The following PPP2R2C variants were observed in gnomAD, a reference collection of about 807,000 sequenced individuals.
PPP2R2C encodes protein phosphatase 2, regulatory subunit B, gamma.
In PPP2R2C, 10 loss-of-function variants were observed where a neutral mutation model predicts 45.3. The observed-to-expected ratio is 0.22, with a 90% CI of 0.14 to 0.37. The LOEUF is 0.37. Ranked by LOEUF, PPP2R2C falls within the 10% of genes least tolerant of loss-of-function variation. PPP2R2C has a pLI of 1.00. For missense variants in PPP2R2C, 308 were observed against 619.7 expected (o/e 0.50, Z 5.34); for synonymous variants, 257 against 245.4 (o/e 1.05, Z -0.44).
chr4:6,333,584 G>C lies in PPP2R2C; in HGVS notation c.938C>G (p.Ala313Gly). The change falls in exon 7 of 9, where the codon GCA (alanine) becomes GGA (glycine). Residue 313 changes from alanine to glycine, a missense_variant. By Grantham distance (60) the Ala-to-Gly change is moderately conservative. Coordinates refer to ENST00000382599, the MANE Select transcript of PPP2R2C (RefSeq NM_020416.4). ...TVKVWDLNME[A>G]RPIETYQVHD... ...CACCTGGTAGGTCTCTATGGGTCTT[G>C]CCTCCATGTTCAGGTCCCAGACCTT... 1 of 1,614,138 alleles carries C rather than the reference G, an allele frequency of 6.2e-7. No homozygotes were observed. The highest frequency in any genetic ancestry group is 8.5e-7 in the Non-Finnish European group (1 of 1,179,988).
intron 5 of PPP2R2C, chr4:6,350,681 C>T (rs1712465649): frequency 3.0e-6 from 3 of 985,190 alleles, no homozygotes; most frequent in African/African-American, 1.7e-5. Context: ...AAGGGGAGAC[C>T]TCTCCTTCGG....
intron 6 of PPP2R2C, among the ~76,000 whole-genome samples, chr4:6,341,151 G>A (rs1577082363): frequency 6.6e-6 from 1 of 152,216 alleles, no homozygotes; most frequent in African/African-American, 2.4e-5. Context: ...AGACCAGCCT[G>A]GCCAACATGG....
In PPP2R2C at chr4:6,368,236, C is replaced by A. The variant is rs1256598924; in HGVS notation, c.625+4287G>T. On this transcript the variant is annotated intron_variant, in intron 5 of 8. Transcript: ENST00000382599. The surrounding 1 kb of genome is among the most constrained non-coding windows in gnomAD (Gnocchi z 4.2). ...CTACATCCTCACTTGGCAAAAACCACACCCCTGGCTTACCCTCCACCGACC... is the reference window on the plus strand; with the variant it reads ...CTACATCCTCACTTGGCAAAAACCAAACCCCTGGCTTACCCTCCACCGACC... Among the ~76,000 whole-genome samples the A allele has an allele frequency of 2.0e-5, 3 of 152,200 alleles. No individual in the cohort carries two copies. The highest frequency in any genetic ancestry group is 7.2e-5 in the African/African-American group (3 of 41,450).
At chr4:6,523,403 C>T (rs768770799) in intron 2 of PPP2R2C, 1 of 152,260 alleles carries the variant, frequency 6.6e-6, no homozygotes, top group African/African-American at 2.4e-5. Context: ...AAAAGACAAA[C>T]AACCCAATTT....
intron 1 of PPP2R2C, chr4:6,384,823 C>T (rs1487202934): frequency 1.0e-6 from 1 of 985,348 alleles, no homozygotes; most frequent in Admixed American, 6.1e-5. Context: ...ATGGAGGCTC[C>T]CTCCATGAGA....
chr4:6,386,220 C>G (rs2109323543), intron 1 of PPP2R2C, among the ~76,000 whole-genome samples: 2 of 152,342 alleles, frequency 1.3e-5, no homozygotes, highest in Admixed American at 1.3e-4. Flanking sequence ...CGTTGGCTTT[C>G]CTGGTCTCAT....
intron 1 of PPP2R2C, among the ~76,000 whole-genome samples, chr4:6,388,143 C>G (rs547091098): frequency 1.9e-4 from 29 of 152,324 alleles, no homozygotes; most frequent in Admixed American, 8.5e-4. Context: ...TCCTTCCCCC[C>G]CTGAGGTGCC....
At position 6,559,346 on chromosome 4, in the gene PPP2R2C, C is replaced by T. The variant is rs76400139; in HGVS notation, c.-59+4214G>A. ...TATAGTGCATAGTGCCCGTGCAGTG[C>T]CAGGCTCACAGAAGTGCCCAATAAA... On this transcript the variant is annotated intron_variant, in intron 1 of 9. Coordinates refer to the PPP2R2C transcript ENST00000506140. Among the ~76,000 whole-genome samples the T allele has an allele frequency of 5.0e-4, 76 of 151,836 alleles. No individual in the cohort carries two copies. The East Asian group carries it at 0.013, about 26-fold the overall frequency.
At chr4:6,362,252 G>C (rs1307208848) in intron 5 of PPP2R2C, among the ~76,000 whole-genome samples, 2 of 152,262 alleles carry the variant, frequency 1.3e-5, no homozygotes, top group East Asian at 1.9e-4. Context: ...GAGCTATGAG[G>C]GTGGAGGGGT....
At chr4:6,402,140 G>A (rs1717457803) in intron 1 of PPP2R2C, among the ~76,000 whole-genome samples, 1 of 152,196 alleles carries the variant, frequency 6.6e-6, no homozygotes. Flanking sequence ...TCATCGCCTT[G>A]AATCCACCTG....
chr4:6,463,585 G>A (rs1296178902), intron 1 of PPP2R2C, among the ~76,000 whole-genome samples: 5 of 152,252 alleles, frequency 3.3e-5, no homozygotes, highest in African/African-American at 1.2e-4. Context: ...GCCCCCAGGT[G>A]TGTCCTGCTC....
At chr4:6,416,560 C>G (rs1161461235) in intron 1 of PPP2R2C, among the ~76,000 whole-genome samples, 3 of 152,210 alleles carry the variant, frequency 2.0e-5, no homozygotes, top group Non-Finnish European at 4.4e-5. Context: ...AGCTGTGACC[C>G]CCGGGGTGAA....
At chr4:6,467,479 C>T (rs988654914) in intron 1 of PPP2R2C, among the ~76,000 whole-genome samples, 1 of 152,174 alleles carries the variant, frequency 6.6e-6, no homozygotes, top group African/African-American at 2.4e-5. Flanking sequence ...TGCCAGATCT[C>T]AGGCTCTCTT....
intron 2 of PPP2R2C, among the ~76,000 whole-genome samples, chr4:6,481,268 G>A (rs370389426): frequency 9.2e-5 from 14 of 152,332 alleles, no homozygotes; most frequent in African/African-American, 2.2e-4. Context: ...TATAAAGGTA[G>A]TAAACAGAAT....
At chr4:6,362,739 T>C (rs1486492185) in intron 5 of PPP2R2C, among the ~76,000 whole-genome samples, 1 of 152,186 alleles carries the variant, frequency 6.6e-6, no homozygotes, top group Admixed American at 6.5e-5. Context: ...ATCTTGCATT[T>C]GTTCACCCCA....
chr4:6,519,414 C>T (rs998293163), intron 2 of PPP2R2C, among the ~76,000 whole-genome samples: 12 of 152,188 alleles, frequency 7.9e-5, no homozygotes, highest in Non-Finnish European at 1.6e-4. Flanking sequence ...AAAGCTAAAA[C>T]CCTAAAAGTC....
At chr4:6,380,915 T>G (rs1715731927) in intron 2 of PPP2R2C, 82 bp downstream of exon 2, 1 of 1,446,156 alleles carries the variant, frequency 6.9e-7, no homozygotes, top group Admixed American at 2.8e-5. Flanking sequence ...CCCCTTATCC[T>G]TATCCCCTCC....
intron 1 of PPP2R2C, among the ~76,000 whole-genome samples, chr4:6,436,399 T>C (rs769108828): frequency 2.0e-5 from 3 of 152,250 alleles, no homozygotes; most frequent in Non-Finnish European, 4.4e-5. Flanking sequence ...TATTTCCCTT[T>C]GGAGACATCC....
chr4:6,449,966 C>T (rs188650899), intron 1 of PPP2R2C, among the ~76,000 whole-genome samples: 94 of 152,348 alleles, frequency 6.2e-4, no homozygotes, highest in African/African-American at 2.2e-3. Flanking sequence ...CAGGCTTCCC[C>T]GGGAGCTGCC....
Sources: allele counts gnomAD v4.1 joint callset (sites outside exome capture counted in the v4.1 genomes callset), GRCh38; gene constraint gnomAD v4.1.1; non-coding constraint Gnocchi (gnomAD v3.1); transcripts MANE v1.5; gene names NCBI Gene and HGNC (gene_info 2026-07-23, HGNC 2026-07-21).